Variants in AGPS observed in about 807,000 individuals in gnomAD.
AGPS encodes the protein alkyldihydroxyacetonephosphate synthase, peroxisomal.
AGPS carries 26 observed loss-of-function variants against 90.7 expected under a neutral mutation model. The ratio of observed to expected loss-of-function variants is 0.29; its 90% CI spans 0.21 to 0.40. The LOEUF (loss-of-function observed/expected upper bound fraction) is 0.40. Ranked by LOEUF, AGPS falls within the 10% of genes least tolerant of loss-of-function variation. The pLI is 1.00. For missense variants in AGPS, 540 were observed against 816.1 expected (o/e 0.66, Z 4.12); for synonymous variants, 294 against 285.3 (o/e 1.03, Z -0.31).
chr2:177,529,570 T>C (rs1352295517), intron 19 of AGPS, among the ~76,000 whole-genome samples: 5 of 152,190 alleles, frequency 3.3e-5, no homozygotes, highest in Non-Finnish European at 7.4e-5. Context: ...TCATATTTAG[T>C]CATAGAAAGT....
chr2:177,408,228 T>C (rs553821250), intron 1 of AGPS, among the ~76,000 whole-genome samples: 2 of 152,340 alleles, frequency 1.3e-5, no homozygotes, highest in Admixed American at 1.3e-4. Context: ...TCTTGTGCTA[T>C]TTCTGGTTTG....
rs141665928 is a variant in AGPS at position 177,441,874 on chromosome 2, C to A, written c.710-533C>A. Among the ~76,000 whole-genome samples the A allele has an allele frequency of 8.0e-3, 1,217 of 152,270 alleles. 15 individuals carry two copies. The highest frequency in any genetic ancestry group is 0.027 in the African/African-American group (1,133 of 41,562). ...ATTCTATATTAAAATCACTTTTTCA[C>A]CAAAGAACATATAAATGTTTTTAAA... On this transcript the variant is annotated intron_variant, in intron 6 of 19. Transcript: ENST00000264167.
chr2:177,469,060 A>G (rs943583539), intron 10 of AGPS, among the ~76,000 whole-genome samples: 20 of 152,102 alleles, frequency 1.3e-4, no homozygotes, highest in African/African-American at 3.1e-4. Flanking sequence ...ATTTGAATGT[A>G]GTTCATCTCG....
At chr2:177,430,805 C>T (rs180726037) in intron 2 of AGPS, among the ~76,000 whole-genome samples, 1 of 152,056 alleles carries the variant, frequency 6.6e-6, no homozygotes, top group African/African-American at 2.4e-5. Flanking sequence ...CATCTCAGTC[C>T]CTATAGATTT....
Position 177,538,277 on chromosome 2 carries a change from T to G in AGPS, c.*82T>G. On this transcript the variant is annotated 3_prime_UTR_variant, in exon 20 of 20. Coordinates refer to ENST00000264167, the MANE Select transcript of AGPS (RefSeq NM_003659.4). ...GTTATACTAGTAATCAAATATATCA[T>G]GGACTATATTTTGGATACATTTGTT... The G allele has an allele frequency of 7.3e-7, 1 of 1,376,390 alleles. No homozygotes were observed. Among genetic ancestry groups the G allele is most frequent in the African/African-American group, 1.4e-5 (1 of 69,406 alleles). The allele number at this position is 1,376,390 out of a possible 1,614,324, so 85.3% of individuals were successfully genotyped here. A position where few individuals can be genotyped will look rare whatever the true frequency, so the allele number is the denominator to read the frequency against.
At chr2:177,407,259 A>G (rs1023310180) in intron 1 of AGPS, among the ~76,000 whole-genome samples, 2 of 152,222 alleles carry the variant, frequency 1.3e-5, no homozygotes, top group African/African-American at 4.8e-5. Flanking sequence ...TTGTTGCAGT[A>G]AACTACATAG....
At chr2:177,416,000 T>C (rs1224267857) in intron 1 of AGPS, among the ~76,000 whole-genome samples, 1 of 152,180 alleles carries the variant, frequency 6.6e-6, no homozygotes, top group East Asian at 1.9e-4. Flanking sequence ...AGCTGAACTT[T>C]TACAGTTGTT....
chr2:177,394,049 T>C (rs1685099597), intron 1 of AGPS, among the ~76,000 whole-genome samples: 1 of 152,138 alleles, frequency 6.6e-6, no homozygotes, highest in Non-Finnish European at 1.5e-5. Context: ...TCTTAGCAGA[T>C]ATGCTGTGTG....
chr2:177,478,634 G>T (rs532680758), intron 10 of AGPS, among the ~76,000 whole-genome samples: 75 of 152,022 alleles, frequency 4.9e-4, no homozygotes, highest in African/African-American at 1.7e-3. Context: ...CCCTTGTAGT[G>T]AATTGTTCAT....
At chr2:177,475,718 C>T (rs1687762063) in intron 10 of AGPS, among the ~76,000 whole-genome samples, 1 of 152,022 alleles carries the variant, frequency 6.6e-6, no homozygotes, top group Non-Finnish European at 1.5e-5. Flanking sequence ...AGATTGTTTC[C>T]ACATTTTGGC....
Position 177,435,365 on chromosome 2 carries a change from G to A in AGPS, c.441+948G>A, listed in dbSNP as rs554551996. 2.0e-5 allele frequency among the ~76,000 whole-genome samples: 3 copies of A among 151,958 alleles called. No homozygotes were observed. In the South Asian group the frequency reaches 6.2e-4, roughly 32 times the overall value. ...AGCCATCTTTTAACTTTTCCTAGAC[G>A]TCTCTTATCTCTTAAATTCTCTCTC... On this transcript the variant is annotated intron_variant, in intron 3 of 19. Coordinates refer to ENST00000264167, the MANE Select transcript of AGPS (RefSeq NM_003659.4).
At chr2:177,522,216 G>A (rs979918055) in intron 18 of AGPS, among the ~76,000 whole-genome samples, 3 of 152,084 alleles carry the variant, frequency 2.0e-5, no homozygotes, top group Admixed American at 6.5e-5. Flanking sequence ...AAAAGTCTGA[G>A]TACTTTTTTG....
chr2:177,538,187 C>T lies in AGPS; in HGVS notation c.1969C>T (p.Leu657Phe). ...DPNNIFGNRN[L>F]L ...CAATAACATCTTTGGAAACAGAAAC[C>T]TTTTATAAATCCATTAGTACCATTA... The change falls in exon 20 of 20, where the codon CTT becomes TTT. Residue 657 changes from leucine to phenylalanine, a missense_variant. Physicochemically the swap from Leu to Phe is conservative, Grantham distance 22. Around this residue, in one of 2 missense-constraint regions of AGPS, gnomAD observed 405 missense variants for 692.1 expected, o/e 0.59. Transcript: ENST00000264167. 1.2e-6 allele frequency: 2 copies of T among 1,612,538 alleles called. No homozygotes were observed. The highest frequency in any genetic ancestry group is 1.7e-6 in the Non-Finnish European group (2 of 1,179,016).
At chr2:177,455,757 G>T (rs1355471200) in intron 8 of AGPS, among the ~76,000 whole-genome samples, 3 of 137,724 alleles carry the variant, frequency 2.2e-5, no homozygotes, top group Non-Finnish European at 1.6e-5. Context: ...CTTAATTTCA[G>T]TTTCCTTTAC....
rs547421702 is a variant in AGPS at position 177,511,238 on chromosome 2, C to A, written c.1608-2581C>A. The stretch of plus-strand genomic sequence containing the variant: ...TCTTGGCCTCCTAGCTAGCTAGGAT[C>A]CCAGGTGCACGTCACCATGCTTGGC... On this transcript the variant is annotated intron_variant, in intron 16 of 19. Coordinates refer to ENST00000264167, the MANE Select transcript of AGPS (RefSeq NM_003659.4). Among the ~76,000 whole-genome samples the A allele has an allele frequency of 1.6e-4, 25 of 152,080 alleles. No individual in the cohort carries two copies. The South Asian group carries it at 5.2e-3, about 32-fold the overall frequency.
At chr2:177,415,012 G>T (rs1328917374) in intron 1 of AGPS, among the ~76,000 whole-genome samples, 5 of 151,608 alleles carry the variant, frequency 3.3e-5, no homozygotes, top group Non-Finnish European at 5.9e-5. Context: ...TGTGAAATAT[G>T]CAGTGTTATT....
At chr2:177,418,815 A>C (rs2105607489) in intron 1 of AGPS, among the ~76,000 whole-genome samples, 1 of 151,980 alleles carries the variant, frequency 6.6e-6, no homozygotes, top group African/African-American at 2.4e-5. Context: ...AAAAAGTAAA[A>C]TCTTAAGAAA....
At chr2:177,393,443 A>T in intron 1 of AGPS, 10 of 985,420 alleles carry the variant, frequency 1.0e-5, no homozygotes, top group Non-Finnish European at 1.2e-5. Context: ...TTTGTACTAG[A>T]TGATAGATCA....
chr2:177,528,887 C>G (rs2079112980), intron 19 of AGPS, among the ~76,000 whole-genome samples: 1 of 99,102 alleles, frequency 1.0e-5, no homozygotes, highest in Non-Finnish European at 1.9e-5. Context: ...TGGAGTTTCA[C>G]TCTTGTTGCC....
Sources: gnomAD v4.1 joint callset for allele counts (sites outside exome capture counted in the v4.1 genomes callset) on GRCh38, gnomAD v4.1.1 for gene constraint, gnomAD v4.1.1 regional missense constraint, MANE v1.5 for transcripts, NCBI Gene and HGNC (gene_info 2026-07-23, HGNC 2026-07-21) for gene names.